The following CBFB variants were observed in gnomAD, a reference collection of about 807,000 sequenced individuals.
CBFB encodes CBF-beta.
Under a neutral mutation model 30.4 loss-of-function variants are expected in CBFB, and 9 were observed. The ratio of observed to expected loss-of-function variants is 0.30; its 90% CI spans 0.18 to 0.52. CBFB has a LOEUF of 0.52. Ranked by LOEUF, CBFB falls within the 20% of genes least tolerant of loss-of-function variation. The probability of loss-of-function intolerance (pLI) is 0.97; values close to 1 mark genes in which losing one functional copy is unlikely to be tolerated. For synonymous variants in CBFB, 94 were observed against 84.0 expected (o/e 1.12, Z -0.65); for missense variants, 170 against 244.0 (o/e 0.70, Z 2.02).
Position 67,066,546 on chromosome 16 carries a change from C to T in CBFB, c.283-136C>T, listed in dbSNP as rs72796199. On this transcript the variant is annotated intron_variant, in intron 3 of 5. Coordinates refer to ENST00000412916, the MANE Select transcript of CBFB (RefSeq NM_022845.3). Reference sequence around the variant, plus strand: ...CTGCATTCCAGCCTGGGGAGCACAGCGAAACTCCATCTCAATCAATCAGTC... The same window carrying T: ...CTGCATTCCAGCCTGGGGAGCACAGTGAAACTCCATCTCAATCAATCAGTC... 3.6e-3 allele frequency: 1,807 copies of T among 501,324 alleles called. 12 individuals are homozygous for T. The highest frequency in any genetic ancestry group is 8.4e-3 in the African/African-American group (424 of 50,772). The allele number at this position is 501,324 out of a possible 1,614,324, so 31.1% of individuals were successfully genotyped here. A position where few individuals can be genotyped will look rare whatever the true frequency, so the allele number is the denominator to read the frequency against.
At chr16:67,046,764 A>G (rs1408189091) in intron 3 of CBFB, among the ~76,000 whole-genome samples, 1 of 152,172 alleles carries the variant, frequency 6.6e-6, no homozygotes, top group Non-Finnish European at 1.5e-5. Flanking sequence ...TTTTAACAGC[A>G]TAAAAATGCT....
At chr16:67,048,911 C>G (rs557471745) in intron 3 of CBFB, among the ~76,000 whole-genome samples, 5 of 149,810 alleles carry the variant, frequency 3.3e-5, no homozygotes, top group African/African-American at 1.2e-4. Flanking sequence ...ACCTCCACCT[C>G]CCGGGTTCAT....
At chr16:67,090,678 A>G (rs886621216) in intron 5 of CBFB, among the ~76,000 whole-genome samples, 6 of 152,162 alleles carry the variant, frequency 3.9e-5, no homozygotes, top group African/African-American at 1.4e-4. Flanking sequence ...GTGCTTAAAG[A>G]TATTTTCTCT....
intron 3 of CBFB, among the ~76,000 whole-genome samples, chr16:67,059,316 G>T (rs1166126496): frequency 6.6e-6 from 1 of 152,082 alleles, no homozygotes; most frequent in Non-Finnish European, 1.5e-5. Context: ...CTTAAGTTTG[G>T]TTCATTTGCT....
rs377342177 is a variant in CBFB, at chr16:67,038,284, G to GTATA, written c.282+1540_282+1543dup. Among the ~76,000 whole-genome samples the GTATA allele has an allele frequency of 2.9e-3, 438 of 149,060 alleles. 3 individuals carry two copies. Among genetic ancestry groups the GTATA allele is most frequent in the African/African-American group, 9.7e-3 (394 of 40,700 alleles). On this transcript the variant is annotated intron_variant, in intron 3 of 5. Transcript: ENST00000412916. ...AGAAATATTTAATTTAATCTTGTGT[G>GTATA]TATATATATATATACACGTATATAT...
chr16:67,041,945 G>A (rs1966538693), intron 3 of CBFB, among the ~76,000 whole-genome samples: 1 of 137,574 alleles, frequency 7.3e-6, no homozygotes, highest in Admixed American at 7.5e-5. Context: ...GTCTTATTCT[G>A]TTGCCAGGCT....
At chr16:67,049,726 A>G (rs890446523) in intron 3 of CBFB, among the ~76,000 whole-genome samples, 1 of 152,068 alleles carries the variant, frequency 6.6e-6, no homozygotes, top group African/African-American at 2.4e-5. Context: ...GCTGGGTTCA[A>G]GTGATCCTTC....
chr16:67,058,215 ACTGCAACTT>A (rs1335698726), intron 3 of CBFB, among the ~76,000 whole-genome samples: 1 of 152,126 alleles, frequency 6.6e-6, no homozygotes, highest in Non-Finnish European at 1.5e-5. Flanking sequence ...ATCTTGGCTC[ACTGCAACTT>A]CTGCCTCCTG....
At chr16:67,049,956 CA>C (rs1260659014) in intron 3 of CBFB, among the ~76,000 whole-genome samples, 2 of 151,934 alleles carry the variant, frequency 1.3e-5, no homozygotes, top group African/African-American at 4.8e-5. Flanking sequence ...AGTTAACCTT[CA>C]AAAGTCGTAT....
At chr16:67,093,374 T>G (rs898820571) in intron 5 of CBFB, 2 of 145,874 alleles carry the variant, frequency 1.4e-5, no homozygotes, top group African/African-American at 5.2e-5. Flanking sequence ...GCAGGTTTTT[T>G]TTTTTTTTTT....
In CBFB at chr16:67,040,371, A is replaced by G. The variant is rs139484351; in HGVS notation, c.282+3616A>G. Among the ~76,000 whole-genome samples the G allele has an allele frequency of 3.3e-3, 502 of 152,346 alleles. 4 individuals carry two copies. The highest frequency in any genetic ancestry group is 4.5e-3 in the Non-Finnish European group (303 of 68,038). On this transcript the variant is annotated intron_variant, in intron 3 of 5. Coordinates refer to ENST00000412916, the MANE Select transcript of CBFB (RefSeq NM_022845.3). ...TGTTCATACGCAGTTTTGAGGAACT[A>G]TAGTTGTAAAGGCTTTAGAGTTAGG...
At chr16:67,047,053 T>A (rs1966639289) in intron 3 of CBFB, among the ~76,000 whole-genome samples, 2 of 151,994 alleles carry the variant, frequency 1.3e-5, no homozygotes, top group South Asian at 4.1e-4. Context: ...AGCTCATACC[T>A]GTAATCCCAG....
rs538583650 is a variant in CBFB at position 67,036,395 on chromosome 16, A to G, written c.166-244A>G. 58 of 411,220 alleles carry G rather than the reference A, an allele frequency of 1.4e-4. 1 individual carries two copies. The South Asian group carries it at 3.1e-3, about 22-fold the overall frequency. 25.5% of individuals were successfully genotyped at this position (411,220 alleles called of 1,614,324 possible). ...CTAACGTCAGCAAAAAATGACCTGA[A>G]AGAAAGTATTGATTCCATGTCTGAT... On this transcript the variant is annotated intron_variant, in intron 2 of 5. Transcript: ENST00000412916.
At chr16:67,045,245 G>C (rs1450576011) in intron 3 of CBFB, among the ~76,000 whole-genome samples, 1 of 152,216 alleles carries the variant, frequency 6.6e-6, no homozygotes, top group Non-Finnish European at 1.5e-5. Context: ...GCTAGGTGGG[G>C]TGGTTCATGC....
chr16:67,097,348 C>G (rs1435083940), intron 5 of CBFB, among the ~76,000 whole-genome samples: 1 of 152,052 alleles, frequency 6.6e-6, no homozygotes. Flanking sequence ...AAGTTCGAGA[C>G]CAGCCTAACC....
intron 3 of CBFB, among the ~76,000 whole-genome samples, chr16:67,046,574 T>A (rs2145725378): frequency 6.6e-6 from 1 of 152,348 alleles, no homozygotes; most frequent in African/African-American, 2.4e-5. Context: ...TTCACCTATT[T>A]TAAGTGTACA....
intron 2 of CBFB, 147 bp downstream of exon 2, chr16:67,029,960 A>C: frequency 2.0e-6 from 1 of 502,032 alleles, no homozygotes. Context: ...TCAAAATGCG[A>C]AACCAGATGC....
chr16:67,061,846 A>G (rs1015155903), intron 3 of CBFB, among the ~76,000 whole-genome samples: 3 of 152,178 alleles, frequency 2.0e-5, no homozygotes, highest in African/African-American at 4.8e-5. Flanking sequence ...AGCCTGGCAA[A>G]CATGGTGAAA....
At chr16:67,098,114 T>G (rs967107973) in intron 5 of CBFB, among the ~76,000 whole-genome samples, 8 of 150,612 alleles carry the variant, frequency 5.3e-5, no homozygotes, top group African/African-American at 9.9e-5. Flanking sequence ...TTGTGGGGTT[T>G]TTTGTTTGTT....
Sources: gnomAD v4.1 joint callset for allele counts (sites outside exome capture counted in the v4.1 genomes callset) on GRCh38, gnomAD v4.1.1 for gene constraint, MANE v1.5 for transcripts, NCBI Gene and HGNC (gene_info 2026-07-23, HGNC 2026-07-21) for gene names.